The following STK32A variants were observed in gnomAD, a reference collection of about 807,000 sequenced individuals.
STK32A encodes serine/threonine-protein kinase 32A.
In STK32A, 41 loss-of-function variants were observed where a neutral mutation model predicts 53.2. The observed-to-expected ratio is 0.77, with a 90% CI of 0.60 to 1.00. The LOEUF is 1.00. Ranked by LOEUF, STK32A falls within the 50% of genes least tolerant of loss-of-function variation. The pLI is 0.00. For synonymous variants in STK32A, 166 were observed against 162.8 expected, an observed-to-expected ratio of 1.02 and a Z score of -0.15; for missense variants, 458 against 485.8, an observed-to-expected ratio of 0.94 and a Z score of 0.54.
At chr5:147,297,692 G>A (rs182314510) in intron 4 of STK32A, among the ~76,000 whole-genome samples, 36 of 152,212 alleles carry the variant, frequency 2.4e-4, no homozygotes, top group Middle Eastern at 3.4e-3. Context: ...TGTCTGGGCC[G>A]GGCATGGTGA....
chr5:147,336,767 G>GT lies in STK32A; in HGVS notation c.435-6233dup, dbSNP rs577061029. Among the ~76,000 whole-genome samples, 20 of 152,210 alleles carry GT rather than the reference G, an allele frequency of 1.3e-4. No homozygotes were observed. In the South Asian group the frequency reaches 3.9e-3, roughly 30 times the overall value. ...CCTCACTCGCTCTTAACATGGGTCT[G>GT]TTTTTTGAGACCAATAGCCCATCTG... On this transcript the variant is annotated intron_variant, in intron 5 of 12. Transcript: ENST00000397936.
At chr5:147,284,246 A>C (rs1343101609) in intron 4 of STK32A, among the ~76,000 whole-genome samples, 1 of 152,172 alleles carries the variant, frequency 6.6e-6, no homozygotes, top group African/African-American at 2.4e-5. Flanking sequence ...AACCCTCAGC[A>C]AAATCAGCAT....
chr5:147,278,276 CA>C, intron 3 of STK32A, 97 bp downstream of exon 3: 1 of 915,316 alleles, frequency 1.1e-6, no homozygotes, highest in Non-Finnish European at 1.7e-6. Context: ...GCTGGGACCG[CA>C]AGGAAAGATA....
At chr5:147,366,602 T>G (rs569074754) in intron 8 of STK32A, among the ~76,000 whole-genome samples, 11 of 152,354 alleles carry the variant, frequency 7.2e-5, no homozygotes, top group African/African-American at 2.2e-4. Flanking sequence ...TTTATTTACT[T>G]TATGTATCCT....
At chr5:147,329,243 A>G (rs560890874) in intron 5 of STK32A, among the ~76,000 whole-genome samples, 3 of 152,312 alleles carry the variant, frequency 2.0e-5, no homozygotes, top group South Asian at 4.1e-4. Flanking sequence ...TTCCAGATTC[A>G]TCTTAGGGAC....
At chr5:147,335,786 T>C (rs1009040904) in intron 5 of STK32A, among the ~76,000 whole-genome samples, 5 of 152,134 alleles carry the variant, frequency 3.3e-5, no homozygotes, top group African/African-American at 4.8e-5. Flanking sequence ...ACAGTGTGTG[T>C]GTGTATGTGT....
intron 4 of STK32A, among the ~76,000 whole-genome samples, chr5:147,303,942 A>T (rs1299171364): frequency 6.6e-6 from 1 of 152,228 alleles, no homozygotes; most frequent in Non-Finnish European, 1.5e-5. Flanking sequence ...TTTATAATGC[A>T]GATATTCACA....
At chr5:147,238,712 T>C (rs1208912708) in intron 1 of STK32A, among the ~76,000 whole-genome samples, 1 of 152,080 alleles carries the variant, frequency 6.6e-6, no homozygotes, top group Non-Finnish European at 1.5e-5. Context: ...AACAGAGTTA[T>C]ATATATGTGT....
At chr5:147,370,291 T>C (rs1561752970) in intron 8 of STK32A, among the ~76,000 whole-genome samples, 1 of 152,204 alleles carries the variant, frequency 6.6e-6, no homozygotes, top group Non-Finnish European at 1.5e-5. Flanking sequence ...TTCCATTTAT[T>C]GAGGACTTGT....
At chr5:147,326,664 A>T (rs1241998571) in intron 5 of STK32A, among the ~76,000 whole-genome samples, 1 of 152,226 alleles carries the variant, frequency 6.6e-6, no homozygotes, top group Non-Finnish European at 1.5e-5. Flanking sequence ...TACAAGTAGG[A>T]AATATTCAAA....
At chr5:147,360,462 A>AG (rs1271025760) in intron 7 of STK32A, among the ~76,000 whole-genome samples, 1 of 144,566 alleles carries the variant, frequency 6.9e-6, no homozygotes, top group Non-Finnish European at 1.5e-5. Flanking sequence ...AAAAAAAAAA[A>AG]AAAAAGAAAA....
intron 11 of STK32A, 120 bp from the exon 12 acceptor site, chr5:147,383,321 T>C (rs1169238432): frequency 5.0e-6 from 4 of 806,954 alleles, no homozygotes; most frequent in East Asian, 2.8e-5. Context: ...TTGAAGATAC[T>C]ACTTACTTCT....
intron 6 of STK32A, among the ~76,000 whole-genome samples, chr5:147,347,625 T>G (rs1225146889): frequency 6.6e-6 from 1 of 152,164 alleles, no homozygotes; most frequent in Non-Finnish European, 1.5e-5. Context: ...TCAATGGTGC[T>G]GAGGTTGAGA....
At chr5:147,381,943 T>C (rs1203012305) in intron 11 of STK32A, among the ~76,000 whole-genome samples, 2 of 152,208 alleles carry the variant, frequency 1.3e-5, no homozygotes, top group East Asian at 3.9e-4. Context: ...TAAAATACAC[T>C]AACACTAACG....
chr5:147,287,849 G>A (rs13165184), intron 4 of STK32A, among the ~76,000 whole-genome samples: 126,583 of 151,698 alleles, frequency 0.83, 53,488 homozygotes, highest in African/African-American at 0.96. Flanking sequence ...AAGTTTAACC[G>A]ACTAATTTTT....
At chr5:147,238,170 T>A (rs1753407111) in intron 1 of STK32A, among the ~76,000 whole-genome samples, 1 of 152,248 alleles carries the variant, frequency 6.6e-6, no homozygotes, top group Non-Finnish European at 1.5e-5. Flanking sequence ...TTGTACAAAA[T>A]CTAGACCTTT....
intron 7 of STK32A, among the ~76,000 whole-genome samples, chr5:147,357,659 C>T (rs550654462): frequency 5.9e-5 from 9 of 152,058 alleles, no homozygotes; most frequent in East Asian, 1.9e-4. Context: ...AACTTTGATG[C>T]TTTTCTTAGC....
chr5:147,252,299 A>G (rs548853506), intron 2 of STK32A, among the ~76,000 whole-genome samples: 5 of 152,102 alleles, frequency 3.3e-5, no homozygotes, highest in African/African-American at 1.2e-4. Flanking sequence ...TGCCACTTTG[A>G]TAACTTCTTC....
At position 147,269,961 on chromosome 5, in the gene STK32A, T is replaced by C. The variant is rs1021382979; in HGVS notation, c.53-8163T>C. Among the ~76,000 whole-genome samples, 74 of 152,312 alleles carry C rather than the reference T, an allele frequency of 4.9e-4. 1 individual carries two copies. The highest frequency in any genetic ancestry group is 2.0e-3 in the Admixed American group (30 of 15,298). On this transcript the variant is annotated intron_variant, in intron 2 of 12. Transcript: ENST00000397936. ...ATGACTTTTTGGGAACTTAGGAATT[T>C]GGAAACCTTTTTATTCTATGTATTG... is the stretch of plus-strand genomic sequence containing the variant.
Sources: allele counts gnomAD v4.1 joint callset (sites outside exome capture counted in the v4.1 genomes callset), GRCh38; gene constraint gnomAD v4.1.1; transcripts MANE v1.5; gene names NCBI Gene and HGNC (gene_info 2026-07-23, HGNC 2026-07-21).